The following PRDM5 variants were observed in gnomAD, a reference collection of about 807,000 sequenced individuals.
The protein encoded by PRDM5 is PR/SET domain 5.
Under a neutral mutation model 81.2 loss-of-function variants are expected in PRDM5, and 56 were observed. The observed-to-expected ratio is 0.69, with a 90% CI of 0.56 to 0.86. The LOEUF (loss-of-function observed/expected upper bound fraction) is 0.86. Ranked by LOEUF, PRDM5 falls within the 40% of genes least tolerant of loss-of-function variation. The pLI, the probability that PRDM5 is intolerant of heterozygous loss-of-function variation, is 0.00. For missense variants in PRDM5, 697 were observed against 770.1 expected (o/e 0.91, Z 1.12); for synonymous variants, 267 against 256.4 (o/e 1.04, Z -0.39).
intron 2 of PRDM5, among the ~76,000 whole-genome samples, chr4:120,891,321 G>C (rs140024822): frequency 6.6e-6 from 1 of 152,150 alleles, no homozygotes; most frequent in East Asian, 1.9e-4. Flanking sequence ...TGTGTGCATA[G>C]AGGTTTTCAT....
chr4:120,769,078 A>G (rs1746841585), intron 13 of PRDM5, among the ~76,000 whole-genome samples: 1 of 152,148 alleles, frequency 6.6e-6, no homozygotes, highest in Non-Finnish European at 1.5e-5. Flanking sequence ...AAATAATTTT[A>G]TGGTCAACTA....
chr4:120,874,771 C>CT (rs1762178102), intron 2 of PRDM5, among the ~76,000 whole-genome samples: 1 of 152,192 alleles, frequency 6.6e-6, no homozygotes, highest in Non-Finnish European at 1.5e-5. Flanking sequence ...AATACTGATA[C>CT]TGTGGGTATA....
intron 8 of PRDM5, among the ~76,000 whole-genome samples, chr4:120,804,346 A>G (rs935003392): frequency 2.0e-5 from 3 of 151,826 alleles, no homozygotes; most frequent in Non-Finnish European, 4.4e-5. Flanking sequence ...TGCACCAAGC[A>G]GACCTAATAG....
chr4:120,780,270 C>A (rs1210296392), intron 12 of PRDM5, among the ~76,000 whole-genome samples: 1 of 151,790 alleles, frequency 6.6e-6, no homozygotes, highest in East Asian at 1.9e-4. Flanking sequence ...CATAGCAAGA[C>A]CCTATCTCTA....
Position 120,775,353 on chromosome 4 carries a change from A to G in PRDM5, c.1537+1835T>C, listed in dbSNP as rs915698246. Among the ~76,000 whole-genome samples the G allele has an allele frequency of 3.3e-5, 5 of 152,280 alleles. No individual in the cohort carries two copies. The South Asian group carries it at 6.2e-4, about 19-fold the overall frequency. ...TTTATGGAGGATAATACTAATTAAA[A>G]TTTTAGAAGCAATTACTAGTGTAAG... On this transcript the variant is annotated intron_variant, in intron 13 of 15. Coordinates refer to ENST00000264808, the MANE Select transcript of PRDM5 (RefSeq NM_018699.4).
chr4:120,831,310 G>A (rs898263908), intron 3 of PRDM5, among the ~76,000 whole-genome samples: 5 of 152,008 alleles, frequency 3.3e-5, no homozygotes, highest in African/African-American at 1.2e-4. Flanking sequence ...AAAATCTACT[G>A]AATGATGCCC....
intron 10 of PRDM5, among the ~76,000 whole-genome samples, chr4:120,787,774 AG>A (rs1749973603): frequency 6.6e-6 from 1 of 152,164 alleles, no homozygotes; most frequent in African/African-American, 2.4e-5. Flanking sequence ...GTAAAACATC[AG>A]GGGTTCAATT....
At chr4:120,792,177 C>T (rs1750672534) in intron 10 of PRDM5, among the ~76,000 whole-genome samples, 1 of 152,294 alleles carries the variant, frequency 6.6e-6, no homozygotes, top group South Asian at 2.1e-4. Context: ...CCTCAGTCTA[C>T]AAAATATCCT....
intron 12 of PRDM5, among the ~76,000 whole-genome samples, chr4:120,779,882 C>T (rs1337003997): frequency 6.6e-6 from 1 of 151,910 alleles, no homozygotes; most frequent in Non-Finnish European, 1.5e-5. Flanking sequence ...TGCACTCCAG[C>T]CTGGGTGACA....
At chr4:120,747,815 G>C (rs950731576) in intron 14 of PRDM5, among the ~76,000 whole-genome samples, 2 of 152,220 alleles carry the variant, frequency 1.3e-5, no homozygotes, top group African/African-American at 4.8e-5. Flanking sequence ...CAAGGCTGGA[G>C]AGAACTGCGA....
intron 13 of PRDM5, among the ~76,000 whole-genome samples, chr4:120,763,476 A>G (rs1031748542): frequency 3.3e-5 from 5 of 152,140 alleles, no homozygotes; most frequent in Admixed American, 6.5e-5. Context: ...GAGTGCTGGC[A>G]AAAGCAAGGG....
At chr4:120,883,705 C>T (rs1451696367) in intron 2 of PRDM5, among the ~76,000 whole-genome samples, 1 of 151,850 alleles carries the variant, frequency 6.6e-6, no homozygotes, top group Non-Finnish European at 1.5e-5. Context: ...ACATTGTGCA[C>T]ATGTACCCTA....
intron 2 of PRDM5, among the ~76,000 whole-genome samples, chr4:120,860,239 T>C (rs2148494586): frequency 6.6e-6 from 1 of 152,342 alleles, no homozygotes; most frequent in South Asian, 2.1e-4. Context: ...AATATTTTAT[T>C]AACTAAAAGC....
At chr4:120,816,804 C>T (rs1293781599) in intron 6 of PRDM5, 28 bp downstream of exon 6, 1 of 1,588,186 alleles carries the variant, frequency 6.3e-7, no homozygotes, top group East Asian at 2.2e-5. Context: ...AATTATATAA[C>T]AGCCATTTCA....
intron 2 of PRDM5, among the ~76,000 whole-genome samples, chr4:120,894,518 A>T (rs2148636717): frequency 6.6e-6 from 1 of 152,296 alleles, no homozygotes; most frequent in African/African-American, 2.4e-5. Flanking sequence ...TGCTTGTTTG[A>T]AAACATCTTT....
At chr4:120,817,677 TA>T (rs968981510) in intron 5 of PRDM5, among the ~76,000 whole-genome samples, 12 of 152,080 alleles carry the variant, frequency 7.9e-5, no homozygotes, top group African/African-American at 2.4e-4. Flanking sequence ...CTTTAATGAG[TA>T]AAAAAATAAA....
chr4:120,856,643 C>T (rs992821030), intron 2 of PRDM5, among the ~76,000 whole-genome samples: 1 of 152,164 alleles, frequency 6.6e-6, no homozygotes, highest in African/African-American at 2.4e-5. Flanking sequence ...TCCATCATTC[C>T]TCTTCCCAGA....
intron 14 of PRDM5, among the ~76,000 whole-genome samples, chr4:120,749,193 G>T: frequency 6.7e-6 from 1 of 148,610 alleles, no homozygotes; most frequent in Non-Finnish European, 1.5e-5. Context: ...ACAATCAGAT[G>T]AACTAAATGT....
At chr4:120,818,218 A>C (rs1754791456) in intron 5 of PRDM5, 135 bp downstream of exon 5, 2 of 846,510 alleles carry the variant, frequency 2.4e-6, no homozygotes, top group African/African-American at 3.4e-5. Context: ...AAAATGCTTA[A>C]TCTCTCATTC....
Sources: allele counts gnomAD v4.1 joint callset (sites outside exome capture counted in the v4.1 genomes callset), GRCh38; gene constraint gnomAD v4.1.1; transcripts MANE v1.5; gene names NCBI Gene and HGNC (gene_info 2026-07-23, HGNC 2026-07-21).